The following NOP14 variants were observed in gnomAD, a reference collection of about 807,000 sequenced individuals.
The protein encoded by NOP14 is nucleolar protein 14.
NOP14 carries 57 observed loss-of-function variants against 101.6 expected under a neutral mutation model. The ratio of observed to expected loss-of-function variants is 0.56; its 90% CI spans 0.45 to 0.70. NOP14 has a LOEUF of 0.70. NOP14 is among the 30% of genes least tolerant of loss of function. The probability of loss-of-function intolerance (pLI) is 0.00; values close to 1 mark genes in which losing one functional copy is unlikely to be tolerated. For missense variants in NOP14, 1,134 were observed against 1,075.5 expected (o/e 1.05, Z -0.76); for synonymous variants, 428 against 424.0 (o/e 1.01, Z -0.12).
chr4:2,937,998 C>T lies in NOP14; in HGVS notation c.*833G>A, dbSNP rs1250704080. 2.7e-5 allele frequency: 6 copies of T among 220,820 alleles called. No homozygotes were observed. The highest frequency in any genetic ancestry group is 3.3e-4 in the East Asian group (2 of 6,048). The allele number at this position is 220,820 out of a possible 1,614,324, so 13.7% of individuals were successfully genotyped here. A position where few individuals can be genotyped will look rare whatever the true frequency, so the allele number is the denominator to read the frequency against. Reference sequence around the variant, plus strand: ...AGTAAATTCTACACATGAAGGCAAACGTCCGTGGTTGACAGAAATTACACT... The same window carrying T: ...AGTAAATTCTACACATGAAGGCAAATGTCCGTGGTTGACAGAAATTACACT... On this transcript the variant is annotated 3_prime_UTR_variant, in exon 18 of 18. Coordinates refer to ENST00000416614, the MANE Select transcript of NOP14 (RefSeq NM_001291978.2).
At chr4:2,950,608 TTGAAACC>T in intron 7 of NOP14, 1 of 222,212 alleles carries the variant, frequency 4.5e-6, no homozygotes, top group Non-Finnish European at 9.0e-6. Context: ...TCTCTTCTGC[TTGAAACC>T]TGTCCTGCCT....
chr4:2,950,457 A>G, intron 7 of NOP14: 1 of 556,412 alleles, frequency 1.8e-6, no homozygotes. Context: ...GGCGCGGTTC[A>G]GCTTTTGCCA....
intron 1 of NOP14, among the ~76,000 whole-genome samples, chr4:2,961,150 TAATAATATATTAATATGCTATTAC>T (rs1353711203): frequency 4.6e-5 from 2 of 43,690 alleles, no homozygotes; most frequent in Non-Finnish European, 7.4e-5. Flanking sequence ...TATACTAATA[TAATAATATATTAATATGCTATTAC>T]AATAATATAT....
chr4:2,944,269 C>A, intron 12 of NOP14, 43 bp from the exon 13 acceptor site: 1 of 1,588,692 alleles, frequency 6.3e-7, no homozygotes, highest in South Asian at 1.2e-5. Context: ...GGGACGATGT[C>A]ATGCCATGCT....
At chr4:2,957,529 CAG>C (rs1444665044) in intron 2 of NOP14, 75 bp downstream of exon 2, 9 of 1,541,938 alleles carry the variant, frequency 5.8e-6, no homozygotes, top group Non-Finnish European at 7.1e-6. Context: ...GCAAAACATG[CAG>C]AGTCAGCCTT....
Position 2,944,152 on chromosome 4 carries a change from C to G in NOP14, c.1812G>C (p.Leu604Phe). The change falls in exon 13 of 18, where the codon TTG (leucine) becomes TTC (phenylalanine). Residue 604 changes from leucine to phenylalanine, a missense_variant. Physicochemically the swap from Leu to Phe is conservative, Grantham distance 22. Coordinates refer to ENST00000416614, the MANE Select transcript of NOP14 (RefSeq NM_001291978.2). ...VCCLFLEYVA[L>F]SQRFIPELIN... Reference sequence around the variant, plus strand: ...TAAGCTCAGGTATAAACCTCTGGGACAAAGCCACATACTCCAGGAACAGGC... The same window carrying G: ...TAAGCTCAGGTATAAACCTCTGGGAGAAAGCCACATACTCCAGGAACAGGC... 6.2e-7 allele frequency: 1 copy of G among 1,614,060 alleles called. No individual in the cohort carries two copies.
At chr4:2,941,513 C>T (rs774067464) in intron 15 of NOP14, 69 bp downstream of exon 15, 31 of 1,463,592 alleles carry the variant, frequency 2.1e-5, no homozygotes, top group Admixed American at 6.7e-5. Flanking sequence ...CTGACTGCCA[C>T]CAGCTTGGCC....
chr4:2,940,191 G>A (rs1363326420), intron 15 of NOP14: 1 of 155,128 alleles, frequency 6.4e-6, no homozygotes. Flanking sequence ...AGATGGTTAA[G>A]ACCCATTTTC....
chr4:2,938,648 GGTGC>G lies in NOP14; in HGVS notation c.*179_*182del. The G allele has an allele frequency of 8.5e-6, 5 of 586,482 alleles. No homozygotes were observed. Among genetic ancestry groups the G allele is most frequent in the South Asian group, 8.3e-5 (4 of 47,932 alleles). 36.3% of individuals were successfully genotyped at this position (586,482 alleles called of 1,614,324 possible). On this transcript the variant is annotated 3_prime_UTR_variant, in exon 18 of 18. Coordinates refer to ENST00000416614, the MANE Select transcript of NOP14 (RefSeq NM_001291978.2). ...AGCCTCCCGAGTAGTTGGGACTACAGGTGCGTGCCACCACACTTGGCTAATTTTT... is the reference window on the plus strand; with the variant it reads ...AGCCTCCCGAGTAGTTGGGACTACAGGTGCCACCACACTTGGCTAATTTTT...
chr4:2,951,024 A>C, intron 7 of NOP14, 90 bp downstream of exon 7: 1 of 1,206,328 alleles, frequency 8.3e-7, no homozygotes, highest in Non-Finnish European at 1.2e-6. Flanking sequence ...TAAAATTCCC[A>C]ACTGTAATAA....
chr4:2,961,202 A>ATT (rs1553864838), intron 1 of NOP14, among the ~76,000 whole-genome samples: 2 of 102,116 alleles, frequency 2.0e-5, no homozygotes, highest in African/African-American at 4.5e-5. Flanking sequence ...CTAATATTAT[A>ATT]ATAATATATT....
At chr4:2,946,737 CATT>C in intron 10 of NOP14, 190 bp from the exon 11 acceptor site, 1 of 586,020 alleles carries the variant, frequency 1.7e-6, no homozygotes. Context: ...TCGGCCATAA[CATT>C]ATGGACTGGA....
intron 1 of NOP14, 38 bp downstream of exon 1, chr4:2,963,087 G>A: frequency 6.7e-7 from 1 of 1,499,550 alleles, no homozygotes; most frequent in South Asian, 1.3e-5. Flanking sequence ...GTGGGGTCCA[G>A]ATCCTGCCTT....
rs1713939287 is a variant in NOP14, at chr4:2,939,236, T to A, written c.2426A>T (p.Lys809Met). The change falls in exon 17 of 18, where the codon AAG becomes ATG. Residue 809 changes from lysine (K) to methionine (M), a missense_variant. Coordinates refer to ENST00000416614, the MANE Select transcript of NOP14 (RefSeq NM_001291978.2). ...CATCCTCGCCAGGAACTGATTGTCC[T>A]TGCGGATTTCTCGAACGGCCCCTTT... ...EFKGAVREIR[K>M]DNQFLARMQL... 6.2e-7 allele frequency: 1 copy of A among 1,613,912 alleles called. No homozygotes were observed. Among genetic ancestry groups the A allele is most frequent in the Admixed American group, 1.7e-5 (1 of 60,006 alleles).
intron 6 of NOP14, among the ~76,000 whole-genome samples, 158 bp from the exon 7 acceptor site, chr4:2,951,403 C>T (rs944319198): frequency 2.6e-5 from 4 of 152,224 alleles, no homozygotes; most frequent in Non-Finnish European, 5.9e-5. Flanking sequence ...TTCAATCAGG[C>T]ATGCAAACAC....
chr4:2,941,942 C>A, intron 14 of NOP14: 1 of 647,330 alleles, frequency 1.5e-6, no homozygotes. Flanking sequence ...AACCGCAGCG[C>A]CAGCTGGGAT....
In NOP14 at chr4:2,963,129, C is replaced by T; in HGVS notation, c.191G>A (p.Arg64Lys). Residue 64 changes from arginine (R) to lysine (K), a missense_variant, in exon 1 of 18, where the codon AGG becomes AAG. Arg to Lys is a conservative substitution (Grantham distance 26). Transcript: ENST00000416614. ...LPGVSRARAL[R>K]KRTQTLLKEY... ...CCCCGTGCGCCCCCCGCTTACCTTC[C>T]TGAGGGCCCGTGCGCGAGACACCCC... 1 of 1,558,462 alleles carries T rather than the reference C, an allele frequency of 6.4e-7. No individual in the cohort carries two copies. The highest frequency in any genetic ancestry group is 8.7e-7 in the Non-Finnish European group (1 of 1,154,984).
At chr4:2,947,209 TCAGTCA>T in intron 10 of NOP14, 1 of 413,312 alleles carries the variant, frequency 2.4e-6, no homozygotes, top group South Asian at 3.1e-5. Flanking sequence ...CAAATACCGC[TCAGTCA>T]CCCAGAGCTT....
chr4:2,941,851 T>G, intron 14 of NOP14, 122 bp from the exon 15 acceptor site: 3 of 1,198,702 alleles, frequency 2.5e-6, no homozygotes, highest in Non-Finnish European at 3.5e-6. Flanking sequence ...GTGGCCACCT[T>G]GGCCGGCCAG....
Sources: allele counts gnomAD v4.1 joint callset (sites outside exome capture counted in the v4.1 genomes callset), GRCh38; gene constraint gnomAD v4.1.1; transcripts MANE v1.5; gene names NCBI Gene and HGNC (gene_info 2026-07-23, HGNC 2026-07-21).